ATP2C2: variants seen among roughly 807,000 people sequenced by gnomAD.
ATP2C2 encodes the protein ATPase secretory pathway Ca2+ transporting 2, also known as calcium-transporting ATPase type 2C member 2.
Under a neutral mutation model 110.8 loss-of-function variants are expected in ATP2C2, and 171 were observed. That is an observed-to-expected ratio of 1.54 (90% CI 1.36 to 1.75). The LOEUF (loss-of-function observed/expected upper bound fraction) is 1.75, where lower values mean the gene tolerates loss of function less well. ATP2C2 is among the 40% of genes most tolerant of loss of function. ATP2C2 has a pLI of 0.00. For synonymous variants in ATP2C2, 804 were observed against 508.4 expected (o/e 1.58, Z -7.82); for missense variants, 1,963 against 1,235.0 (o/e 1.59, Z -8.84).
intron 11 of ATP2C2, among the ~76,000 whole-genome samples, chr16:84,428,285 T>G (rs1290949523): frequency 1.3e-5 from 2 of 152,254 alleles, no homozygotes; most frequent in Non-Finnish European, 2.9e-5. Context: ...TGTGTATACA[T>G]GAATGTACAC....
intron 21 of ATP2C2, among the ~76,000 whole-genome samples, 164 bp downstream of exon 21, chr16:84,455,148 T>C (rs247882): frequency 0.23 from 35,357 of 151,506 alleles, 4,465 homozygotes; most frequent in Middle Eastern, 0.28. Flanking sequence ...CAACCCCAAG[T>C]ACCAACAGCC....
At chr16:84,460,477 C>G (rs777497483) in intron 23 of ATP2C2, 177 bp from the exon 24 acceptor site, 202 of 843,942 alleles carry the variant, frequency 2.4e-4, no homozygotes, top group Non-Finnish European at 3.8e-4. Flanking sequence ...TGGACCCAGG[C>G]TCTGGGGCTT....
chr16:84,387,108 C>T (rs575386560), intron 1 of ATP2C2, among the ~76,000 whole-genome samples: 7 of 150,374 alleles, frequency 4.7e-5, no homozygotes, highest in South Asian at 4.3e-4. Flanking sequence ...ACAAGCATGC[C>T]GCGCTCTGAG....
At chr16:84,369,051 G>A (rs1277125173) in intron 1 of ATP2C2, among the ~76,000 whole-genome samples, 1 of 152,226 alleles carries the variant, frequency 6.6e-6, no homozygotes, top group Non-Finnish European at 1.5e-5. Context: ...AAATTCCTGG[G>A]TCTCCAGACT....
At chr16:84,397,974 C>G (rs1378379029) in intron 1 of ATP2C2, among the ~76,000 whole-genome samples, 1 of 151,816 alleles carries the variant, frequency 6.6e-6, no homozygotes, top group Non-Finnish European at 1.5e-5. Flanking sequence ...GCAGTTACCC[C>G]TCAGGTAGGT....
chr16:84,433,560 G>A (rs530287116), intron 11 of ATP2C2, among the ~76,000 whole-genome samples: 2 of 152,204 alleles, frequency 1.3e-5, no homozygotes, highest in African/African-American at 2.4e-5. Context: ...GCTGAGGCAG[G>A]AGAATCTCTT....
At chr16:84,384,722 C>A (rs1397883094) in intron 1 of ATP2C2, among the ~76,000 whole-genome samples, 1 of 152,182 alleles carries the variant, frequency 6.6e-6, no homozygotes, top group African/African-American at 2.4e-5. Flanking sequence ...TTTTCTAATT[C>A]CATCTACATT....
At chr16:84,439,662 A>T in intron 13 of ATP2C2, 138 bp downstream of exon 13, 1 of 811,326 alleles carries the variant, frequency 1.2e-6, no homozygotes, top group Non-Finnish European at 2.0e-6. Context: ...CCTTGCTAAC[A>T]TGACTGATTT....
chr16:84,430,224 G>C (rs564616749), intron 11 of ATP2C2, among the ~76,000 whole-genome samples: 8 of 152,322 alleles, frequency 5.3e-5, no homozygotes, highest in African/African-American at 1.9e-4. Context: ...GCCGGGAGAA[G>C]GGGGTGGATG....
rs1036795739 is a variant in ATP2C2, at chr16:84,398,689, T to C, written c.210+80T>C. 7.3e-6 allele frequency: 8 copies of C among 1,093,270 alleles called. No homozygotes were observed. In the African/African-American group the frequency reaches 1.2e-4, roughly 16 times the overall value. The allele number at this position is 1,093,270 out of a possible 1,614,324, so 67.7% of individuals were successfully genotyped here. A position where few individuals can be genotyped will look rare whatever the true frequency, so the allele number is the denominator to read the frequency against. ...GAAAGCAACACAAAGCCCTGAACAGTGCTTTGAAATTCTGTGTTATTATCA... is the reference window on the plus strand; with the variant it reads ...GAAAGCAACACAAAGCCCTGAACAGCGCTTTGAAATTCTGTGTTATTATCA... On this transcript the variant is annotated intron_variant, in intron 2 of 26. Coordinates refer to ENST00000262429, the MANE Select transcript of ATP2C2 (RefSeq NM_014861.4).
rs1247830406 is a variant in ATP2C2 at position 84,376,516 on chromosome 16, T to C, written c.99+7802T>C. 2.0e-5 allele frequency among the ~76,000 whole-genome samples: 3 copies of C among 149,544 alleles called. 1 individual carries two copies. In the Admixed American group the frequency reaches 2.0e-4, roughly 10 times the overall value. On this transcript the variant is annotated intron_variant, in intron 1 of 26. Coordinates refer to ENST00000262429, the MANE Select transcript of ATP2C2 (RefSeq NM_014861.4). ...AAATTTGTCAACTTTCTTAACACATTATGAGATTTTTTTTGGCAATTTTTT... is the reference window on the plus strand; with the variant it reads ...AAATTTGTCAACTTTCTTAACACATCATGAGATTTTTTTTGGCAATTTTTT...
intron 21 of ATP2C2, 129 bp from the exon 22 acceptor site, chr16:84,458,991 G>A: frequency 1.0e-6 from 1 of 995,824 alleles, no homozygotes; most frequent in Non-Finnish European, 1.5e-6. Context: ...TGCCAGCAAG[G>A]GGAACCAGCA....
rs1305183466 is a variant in ATP2C2, at chr16:84,368,572, C to T, written c.-44C>T. The stretch of plus-strand genomic sequence containing the variant: ...GGGCGCGCGCAGCCATCCCGGGCCT[C>T]GCCGGGGACCTAGGGACGCAGGCAA... On this transcript the variant is annotated 5_prime_UTR_variant, in exon 1 of 27. Coordinates refer to ENST00000262429, the MANE Select transcript of ATP2C2 (RefSeq NM_014861.4). The T allele has an allele frequency of 1.4e-6, 2 of 1,458,518 alleles. No homozygotes were observed. Among genetic ancestry groups the T allele is most frequent in the South Asian group, 2.4e-5 (2 of 82,348 alleles). The allele number at this position is 1,458,518 out of a possible 1,614,324, so 90.3% of individuals were successfully genotyped here. A position where few individuals can be genotyped will look rare whatever the true frequency, so the allele number is the denominator to read the frequency against.
chr16:84,401,222 C>CTT (rs55635029), intron 2 of ATP2C2, among the ~76,000 whole-genome samples: 81,556 of 121,526 alleles, frequency 0.67, 30,850 homozygotes, highest in East Asian at 0.9. Flanking sequence ...AGTCTTTAAT[C>CTT]TTTTTTTTTT....
chr16:84,439,067 T>G (rs1328697910), intron 11 of ATP2C2, 99 bp from the exon 12 acceptor site: 1 of 1,535,088 alleles, frequency 6.5e-7, no homozygotes, highest in Non-Finnish European at 8.8e-7. Flanking sequence ...TGGGGACACC[T>G]AAGACAAGCT....
At chr16:84,401,254 C>G (rs1905301923) in intron 2 of ATP2C2, among the ~76,000 whole-genome samples, 1 of 133,362 alleles carries the variant, frequency 7.5e-6, no homozygotes. Flanking sequence ...GACAGGGTCT[C>G]ACTCTGTTGC....
chr16:84,422,327 C>A lies in ATP2C2; in HGVS notation c.625-63C>A, dbSNP rs1250052108. ...ATGAAGGTGCTGGTACCATTTTGTG[C>A]TTTTAACACCAATTCTCGGGGTGAC... On this transcript the variant is annotated intron_variant, in intron 7 of 26. Transcript: ENST00000262429. 37 of 1,557,268 alleles carry A rather than the reference C, an allele frequency of 2.4e-5. No homozygotes were observed. The East Asian group carries it at 6.3e-4, about 26-fold the overall frequency.
chr16:84,452,240 T>G (rs1485330118), intron 18 of ATP2C2, 149 bp downstream of exon 18: 1 of 1,022,390 alleles, frequency 9.8e-7, no homozygotes, highest in African/African-American at 1.6e-5. Context: ...AGTATTCGTG[T>G]GCCAGCATTC....
At chr16:84,383,725 C>T (rs1301701710) in intron 1 of ATP2C2, among the ~76,000 whole-genome samples, 2 of 119,072 alleles carry the variant, frequency 1.7e-5, no homozygotes, top group Non-Finnish European at 4.0e-5. Flanking sequence ...TGTATTATTT[C>T]TGAATACATC....
Sources: gnomAD v4.1 joint callset for allele counts (sites outside exome capture counted in the v4.1 genomes callset) on GRCh38, gnomAD v4.1.1 for gene constraint, MANE v1.5 for transcripts, NCBI Gene and HGNC (gene_info 2026-07-23, HGNC 2026-07-21) for gene names.